The following CNTN5 variants were observed in gnomAD, a reference collection of about 807,000 sequenced individuals.
CNTN5 encodes the protein contactin 5, also known as contactin-5.
CNTN5 carries 77 observed loss-of-function variants against 129.1 expected under a neutral mutation model. The ratio of observed to expected loss-of-function variants is 0.60; its 90% confidence interval spans 0.50 to 0.72. The LOEUF (loss-of-function observed/expected upper bound fraction) is 0.72, where lower values mean the gene tolerates loss of function less well. Ranked by LOEUF, CNTN5 falls within the 30% of genes least tolerant of loss-of-function variation. The pLI is 0.00. For synonymous variants in CNTN5, 509 were observed against 465.6 expected (o/e 1.09, Z -1.20); for missense variants, 1,478 against 1,328.8 (o/e 1.11, Z -1.75).
At chr11:99,423,879 G>A (rs1943003931) in intron 2 of CNTN5, among the ~76,000 whole-genome samples, 4 of 152,112 alleles carry the variant, frequency 2.6e-5, no homozygotes, top group Admixed American at 2.6e-4. Flanking sequence ...GAGCGGTGGT[G>A]TATGATCAAG....
chr11:99,393,357 T>C (rs1941361602), intron 2 of CNTN5, among the ~76,000 whole-genome samples: 1 of 151,680 alleles, frequency 6.6e-6, no homozygotes, highest in Admixed American at 6.6e-5. Context: ...AATTAAAGAG[T>C]GTTCATTTGA....
intron 17 of CNTN5, among the ~76,000 whole-genome samples, chr11:100,257,046 T>G (rs1950086280): frequency 6.6e-6 from 1 of 152,038 alleles, no homozygotes; most frequent in Non-Finnish European, 1.5e-5. Context: ...AGCTATAAGA[T>G]TCACGAAATT....
At chr11:100,159,077 T>A (rs147640433) in intron 13 of CNTN5, among the ~76,000 whole-genome samples, 1 of 151,848 alleles carries the variant, frequency 6.6e-6, no homozygotes, top group African/African-American at 2.4e-5. Context: ...AAGGAGCACA[T>A]ACTGTGCAAT....
At chr11:100,111,233 C>T (rs2138116261) in intron 13 of CNTN5, among the ~76,000 whole-genome samples, 1 of 152,186 alleles carries the variant, frequency 6.6e-6, no homozygotes, top group East Asian at 1.9e-4. Flanking sequence ...TTTTGTGGGA[C>T]TGTATAGATA....
intron 2 of CNTN5, among the ~76,000 whole-genome samples, chr11:99,548,424 G>A (rs1948371462): frequency 6.6e-6 from 1 of 152,182 alleles, no homozygotes; most frequent in Non-Finnish European, 1.5e-5. Context: ...AAAATTACCT[G>A]ATTGGCTACA....
At chr11:100,351,262 G>C (rs922495795) in intron 24 of CNTN5, among the ~76,000 whole-genome samples, 1 of 151,398 alleles carries the variant, frequency 6.6e-6, no homozygotes. Flanking sequence ...TTAAAGAGAA[G>C]CTTTTAAAAT....
rs1210273158 is a variant in CNTN5, at chr11:99,265,743, C to T, written c.-209-59603C>T. Among the ~76,000 whole-genome samples, 10 of 152,022 alleles carry T rather than the reference C, an allele frequency of 6.6e-5. No individual in the cohort carries two copies. The South Asian group carries it at 1.2e-3, about 19-fold the overall frequency. ...CAAATCATCCATTACAACAGTATTACTTATTGCTTACTGCTCCCCACCGAT... is the reference window on the plus strand; with the variant it reads ...CAAATCATCCATTACAACAGTATTATTTATTGCTTACTGCTCCCCACCGAT... On this transcript the variant is annotated intron_variant, in intron 1 of 24. Coordinates refer to ENST00000524871, the MANE Select transcript of CNTN5 (RefSeq NM_014361.4).
At chr11:99,159,493 G>A (rs147278639) in intron 1 of CNTN5, among the ~76,000 whole-genome samples, 2,533 of 152,020 alleles carry the variant, frequency 0.017, 57 homozygotes, top group African/African-American at 0.057. Flanking sequence ...ATAGTGGCGG[G>A]CGCCTGTAGT....
chr11:100,227,982 GTTATT>G (rs896898316), intron 16 of CNTN5, among the ~76,000 whole-genome samples: 1 of 152,024 alleles, frequency 6.6e-6, no homozygotes, highest in African/African-American at 2.4e-5. Flanking sequence ...TTAGTTTTTT[GTTATT>G]TTATTTTATA....
intron 3 of CNTN5, among the ~76,000 whole-genome samples, chr11:99,620,508 C>CTTTTCTTTT (rs1565356098): frequency 4.7e-5 from 5 of 107,014 alleles, no homozygotes; most frequent in South Asian, 3.0e-4. Flanking sequence ...TTTTTCTTTT[C>CTTTTCTTTT]TTTTTTTTTT....
chr11:100,305,275 C>A (rs957088406), intron 20 of CNTN5, among the ~76,000 whole-genome samples: 2 of 151,492 alleles, frequency 1.3e-5, no homozygotes, highest in African/African-American at 4.8e-5. Context: ...GTCCATTACT[C>A]CAAAGCACAT....
intron 2 of CNTN5, among the ~76,000 whole-genome samples, chr11:99,419,401 A>G (rs78753858): frequency 0.032 from 4,850 of 152,316 alleles, 253 homozygotes; most frequent in African/African-American, 0.11. Context: ...TATTAAAAAA[A>G]ATTTGTCTTA....
chr11:99,369,001 A>G (rs1051209447), intron 2 of CNTN5, among the ~76,000 whole-genome samples: 3 of 151,800 alleles, frequency 2.0e-5, no homozygotes. Flanking sequence ...GTCTAAGATT[A>G]GGCCATCTGT....
intron 1 of CNTN5, among the ~76,000 whole-genome samples, chr11:99,154,666 G>A (rs919681179): frequency 1.3e-5 from 2 of 152,176 alleles, no homozygotes; most frequent in Admixed American, 6.5e-5. Context: ...GTCTGCTGGA[G>A]CTCTCTGATA....
chr11:99,408,448 G>GAAAGAAAGAAAGAAAGAA (rs71305322), intron 2 of CNTN5, among the ~76,000 whole-genome samples: 2 of 78,130 alleles, frequency 2.6e-5, no homozygotes, highest in Non-Finnish European at 2.5e-5. Flanking sequence ...AAGAAAGAAA[G>GAAAGAAAGAAAGAAAGAA]AGAAAGAAAG....
chr11:99,506,062 T>C (rs1476640637), intron 2 of CNTN5, among the ~76,000 whole-genome samples: 1 of 152,242 alleles, frequency 6.6e-6, no homozygotes, highest in African/African-American at 2.4e-5. Flanking sequence ...CTTAGGCTGC[T>C]GCATAATGCA....
chr11:99,300,040 C>T (rs901696682), intron 1 of CNTN5, among the ~76,000 whole-genome samples: 2 of 152,108 alleles, frequency 1.3e-5, no homozygotes, highest in African/African-American at 4.8e-5. Flanking sequence ...CTTTTCTCTG[C>T]ATCCTTGCCA....
At chr11:99,537,632 A>G (rs988409948) in intron 2 of CNTN5, among the ~76,000 whole-genome samples, 8 of 152,172 alleles carry the variant, frequency 5.3e-5, no homozygotes, top group African/African-American at 1.9e-4. Context: ...CCCCACCATC[A>G]CAACCACAAA....
intron 13 of CNTN5, among the ~76,000 whole-genome samples, chr11:100,089,839 G>A (rs1944689546): frequency 6.6e-6 from 1 of 152,026 alleles, no homozygotes; most frequent in African/African-American, 2.4e-5. Context: ...AGTGGGAGCT[G>A]AACATGAAAA....
Sources: gnomAD v4.1 joint callset for allele counts (sites outside exome capture counted in the v4.1 genomes callset) on GRCh38, gnomAD v4.1.1 for gene constraint, MANE v1.5 for transcripts, NCBI Gene and HGNC (gene_info 2026-07-23, HGNC 2026-07-21) for gene names.